GRAP2: variants seen among roughly 807,000 people sequenced by gnomAD.
GRAP2 encodes the protein GRB2 related adaptor protein 2, also known as GRB2-related adapter protein 2.
Under a neutral mutation model 43.5 loss-of-function variants are expected in GRAP2, and 31 were observed. The ratio of observed to expected loss-of-function variants is 0.71; its 90% CI spans 0.54 to 0.96. The LOEUF is 0.96. Ranked by LOEUF, GRAP2 falls within the 40% of genes least tolerant of loss-of-function variation. GRAP2 has a pLI of 0.00. For missense variants in GRAP2, 371 were observed against 424.4 expected (o/e 0.87, Z 1.11); for synonymous variants, 156 against 164.8 (o/e 0.95, Z 0.41).
chr22:39,899,178 A>G (rs1442625641), upstream of GRAP2, among the ~76,000 whole-genome samples: 1 of 152,214 alleles, frequency 6.6e-6, no homozygotes, highest in Middle Eastern at 3.2e-3. Flanking sequence ...CTTACTACCA[A>G]AATAACTTGC....
At chr22:39,908,576 A>G (rs1252090176) in intron 1 of GRAP2, among the ~76,000 whole-genome samples, 1 of 152,066 alleles carries the variant, frequency 6.6e-6, no homozygotes, top group Non-Finnish European at 1.5e-5. Flanking sequence ...ATTTTTTATT[A>G]CGAACAGTTA....
At chr22:39,923,446 G>A (rs1034227697) in intron 1 of GRAP2, among the ~76,000 whole-genome samples, 1 of 152,204 alleles carries the variant, frequency 6.6e-6, no homozygotes. Context: ...TCAAATATGA[G>A]ATGCTAGCAT....
intron 1 of GRAP2, among the ~76,000 whole-genome samples, chr22:39,932,110 C>T (rs569317498): frequency 1.4e-4 from 21 of 152,204 alleles, no homozygotes; most frequent in African/African-American, 4.8e-4. Context: ...GTGGGACAGG[C>T]GTTGCATGAG....
chr22:39,968,318 C>G (rs2067197298), intron 6 of GRAP2, 46 bp downstream of exon 6: 1 of 1,586,748 alleles, frequency 6.3e-7, no homozygotes, highest in African/African-American at 1.3e-5. Context: ...GAAAGGAGAA[C>G]CTGCCTCCCC....
chr22:39,939,180 T>G (rs867039343), intron 1 of GRAP2, among the ~76,000 whole-genome samples: 13 of 152,272 alleles, frequency 8.5e-5, no homozygotes, highest in South Asian at 2.1e-4. Flanking sequence ...AAGCCAGAAA[T>G]GTTTATATCT....
Position 39,971,007 on chromosome 22 carries a change from C to G in GRAP2, c.916C>G (p.Pro306Ala). 1.9e-6 allele frequency: 3 copies of G among 1,613,658 alleles called. No individual in the cohort carries two copies. The highest frequency in any genetic ancestry group is 2.5e-6 in the Non-Finnish European group (3 of 1,179,786). The change falls in exon 8 of 8, where the codon CCA becomes GCA. Residue 306 changes from proline to alanine, a missense_variant. Coordinates refer to ENST00000344138, the MANE Select transcript of GRAP2 (RefSeq NM_004810.4). ...GGTGGAGGTCCTGGATAGCTCCAAC[C>G]CATCCTGGTGGACCGGCCGCCTGCA... ...EVVEVLDSSN[P>A]SWWTGRLHNK...
At chr22:39,958,313 C>T (rs2145659793) in intron 3 of GRAP2, among the ~76,000 whole-genome samples, 2 of 152,282 alleles carry the variant, frequency 1.3e-5, no homozygotes, top group South Asian at 4.2e-4. Context: ...CCATACCTTA[C>T]ATTAATCTCC....
chr22:39,969,077 G>T (rs946358817), intron 6 of GRAP2, among the ~76,000 whole-genome samples: 1 of 152,200 alleles, frequency 6.6e-6, no homozygotes, highest in African/African-American at 2.4e-5. Flanking sequence ...CCACTTAAAT[G>T]TGCATGGTTC....
chr22:39,908,328 T>C (rs2066536824), intron 1 of GRAP2, among the ~76,000 whole-genome samples: 1 of 152,216 alleles, frequency 6.6e-6, no homozygotes, highest in African/African-American at 2.4e-5. Flanking sequence ...CTTTGTGGGC[T>C]GCTTGGGTGT....
chr22:39,964,290 G>A, intron 4 of GRAP2: 2 of 656,908 alleles, frequency 3.0e-6, no homozygotes, highest in South Asian at 1.7e-5. Flanking sequence ...CCCATCACTT[G>A]TGAGTCCAGA....
chr22:39,897,972 A>C (rs1433943933), upstream of GRAP2, among the ~76,000 whole-genome samples: 1 of 151,984 alleles, frequency 6.6e-6, no homozygotes, highest in Non-Finnish European at 1.5e-5. Context: ...CTTCCATCTC[A>C]CTCAGAGTAA....
intron 1 of GRAP2, among the ~76,000 whole-genome samples, chr22:39,938,425 G>A (rs1747530273): frequency 6.6e-6 from 1 of 152,166 alleles, no homozygotes; most frequent in Non-Finnish European, 1.5e-5. Flanking sequence ...ACCTTCTGAC[G>A]GGGGAGATTG....
intron 1 of GRAP2, among the ~76,000 whole-genome samples, chr22:39,944,559 T>C (rs537516818): frequency 6.6e-6 from 1 of 152,342 alleles, no homozygotes; most frequent in Admixed American, 6.5e-5. Flanking sequence ...TGAGCCAGGA[T>C]TAATATTACA....
In GRAP2 at chr22:39,966,163, G is replaced by T. The variant is rs766948780; in HGVS notation, c.459+5G>T. ...GACAGAACCCGAGAAGACCAGGTAT[G>T]CTCCAGATCCAGTCGACCCCAATCT... On this transcript the variant is annotated splice_donor_5th_base_variant and intron_variant, in intron 5 of 7. Transcript: ENST00000344138. 1.2e-6 allele frequency: 2 copies of T among 1,612,070 alleles called. No individual in the cohort carries two copies. The highest frequency in any genetic ancestry group is 1.7e-6 in the Non-Finnish European group (2 of 1,178,396).
At chr22:39,950,558 G>A (rs1042044643) in intron 2 of GRAP2, among the ~76,000 whole-genome samples, 2 of 152,218 alleles carry the variant, frequency 1.3e-5, no homozygotes, top group African/African-American at 4.8e-5. Flanking sequence ...TGAGAGCAAT[G>A]TCATGCACGT....
chr22:39,967,828 C>A (rs774455216), intron 5 of GRAP2, among the ~76,000 whole-genome samples: 1 of 152,174 alleles, frequency 6.6e-6, no homozygotes, highest in Non-Finnish European at 1.5e-5. Context: ...AACCAGAGAC[C>A]TGCACTCCTA....
Position 39,934,025 on chromosome 22 carries a change from A to G in GRAP2, c.-14-13068A>G, listed in dbSNP as rs184769570. On this transcript the variant is annotated intron_variant, in intron 1 of 7. Coordinates refer to ENST00000344138, the MANE Select transcript of GRAP2 (RefSeq NM_004810.4). ...AGAGGTCGAGGAAAGCGGAAAAGCAATTGCCGAAGAGGGACAGTAAGTGAA... is the reference window on the plus strand; with the variant it reads ...AGAGGTCGAGGAAAGCGGAAAAGCAGTTGCCGAAGAGGGACAGTAAGTGAA... 3.2e-3 allele frequency among the ~76,000 whole-genome samples: 494 copies of G among 152,302 alleles called. 4 individuals carry two copies. Among genetic ancestry groups the G allele is most frequent in the Middle Eastern group, 6.8e-3 (2 of 294 alleles).
chr22:39,905,536 A>G (rs2066517586), intron 1 of GRAP2, among the ~76,000 whole-genome samples: 1 of 152,124 alleles, frequency 6.6e-6, no homozygotes, highest in South Asian at 2.1e-4. Context: ...AATGGTGCCT[A>G]TCTCGTGGGA....
intron 1 of GRAP2, among the ~76,000 whole-genome samples, chr22:39,919,774 G>A (rs1286211855): frequency 6.6e-6 from 1 of 152,196 alleles, no homozygotes; most frequent in Non-Finnish European, 1.5e-5. Flanking sequence ...AGCAAGCATT[G>A]GAGTAAGTCC....
Sources: allele counts gnomAD v4.1 joint callset (sites outside exome capture counted in the v4.1 genomes callset), GRCh38; gene constraint gnomAD v4.1.1; transcripts MANE v1.5; gene names NCBI Gene and HGNC (gene_info 2026-07-23, HGNC 2026-07-21).